The following ATP13A4 variants were observed in gnomAD, a reference collection of about 807,000 sequenced individuals.
ATP13A4 encodes the protein ATPase 13A4, also known as probable cation-transporting ATPase 13A4.
A neutral mutation model predicts 142.5 loss-of-function variants in ATP13A4; 114 were observed. The observed-to-expected ratio is 0.80, with a 90% confidence interval of 0.69 to 0.93. The LOEUF (loss-of-function observed/expected upper bound fraction) is 0.93, where lower values mean the gene tolerates loss of function less well. Among genes scored for constraint, ATP13A4 ranks in the 40% least tolerant of loss-of-function variants. The probability of loss-of-function intolerance (pLI) is 0.00; values close to 1 mark genes in which losing one functional copy is unlikely to be tolerated. For synonymous variants in ATP13A4, 488 were observed against 514.8 expected (o/e 0.95, Z 0.70); for missense variants, 1,392 against 1,454.0 (o/e 0.96, Z 0.69).
At chr3:193,489,263 T>C (rs1719809405) in intron 7 of ATP13A4, among the ~76,000 whole-genome samples, 1 of 152,172 alleles carries the variant, frequency 6.6e-6, no homozygotes, top group East Asian at 1.9e-4. Context: ...TAATTTTTTT[T>C]TTCCAACAGT....
intron 16 of ATP13A4, among the ~76,000 whole-genome samples, chr3:193,455,404 A>G (rs1040094355): frequency 6.6e-6 from 1 of 152,134 alleles, no homozygotes; most frequent in African/African-American, 2.4e-5. Flanking sequence ...GAAGACGTAC[A>G]TAAGACCAAC....
intron 1 of ATP13A4, among the ~76,000 whole-genome samples, chr3:193,544,614 T>C (rs1723123771): frequency 6.6e-6 from 1 of 152,084 alleles, no homozygotes; most frequent in South Asian, 2.1e-4. Context: ...AGTGAAGGAG[T>C]ATCCAGATGA....
In ATP13A4 at chr3:193,489,131, G is replaced by A. The variant is rs116017905; in HGVS notation, c.738+599C>T. 5.6e-3 allele frequency among the ~76,000 whole-genome samples: 854 copies of A among 152,326 alleles called. 15 individuals carry two copies. The highest frequency in any genetic ancestry group is 0.019 in the African/African-American group (803 of 41,558). ...GGCGTCTCAGACACCAGAGGACAGA[G>A]ATGGCTTGAAACCTTAATTTCAGAG... On this transcript the variant is annotated intron_variant, in intron 7 of 29. Coordinates refer to ENST00000342695, the MANE Select transcript of ATP13A4 (RefSeq NM_032279.4).
intron 2 of ATP13A4, among the ~76,000 whole-genome samples, chr3:193,568,222 A>C (rs1386582751): frequency 6.6e-6 from 1 of 152,078 alleles, no homozygotes. Context: ...CAGACTCCCA[A>C]AGTGCTGGGA....
intron 3 of ATP13A4, among the ~76,000 whole-genome samples, chr3:193,498,149 G>T (rs1720345121): frequency 1.3e-5 from 2 of 152,014 alleles, no homozygotes; most frequent in Admixed American, 6.6e-5. Context: ...TATACATAAT[G>T]TATACATGTA....
At position 193,470,862 on chromosome 3, in the gene ATP13A4, T is replaced by C; in HGVS notation, c.940A>G (p.Thr314Ala). 6.2e-7 allele frequency: 1 copy of C among 1,614,054 alleles called. No individual in the cohort carries two copies. Among genetic ancestry groups the C allele is most frequent in the African/African-American group, 1.3e-5 (1 of 75,034 alleles). Residue 314 changes from threonine to alanine, a missense_variant, in exon 9 of 30, where the codon ACA (threonine) becomes GCA (alanine). By Grantham distance (58) the Thr-to-Ala change is moderately conservative (BLOSUM62 0). Coordinates refer to ENST00000342695, the MANE Select transcript of ATP13A4 (RefSeq NM_032279.4). Reference sequence around the variant, plus strand: ...AGCTGTGGAGATGGAACTGTACCTGTCAGCATGCCTTCATCCACCACACAG... The same window carrying C: ...AGCTGTGGAGATGGAACTGTACCTGCCAGCATGCCTTCATCCACCACACAG... ...GSCVVDEGML[T>A]GESIPVTKTP... is the part of the protein sequence containing the mutation.
At chr3:193,534,899 C>T (rs926828774) in intron 1 of ATP13A4, among the ~76,000 whole-genome samples, 2 of 151,816 alleles carry the variant, frequency 1.3e-5, no homozygotes, top group Non-Finnish European at 2.9e-5. Context: ...CAGAACAAAC[C>T]TAAAGAAATC....
intron 29 of ATP13A4, among the ~76,000 whole-genome samples, chr3:193,405,762 G>A (rs1663584354): frequency 6.6e-6 from 1 of 152,078 alleles, no homozygotes; most frequent in Non-Finnish European, 1.5e-5. Context: ...TTGCCTACCT[G>A]ATCCAGAGAT....
chr3:193,472,672 T>G (rs1480642151), intron 8 of ATP13A4, among the ~76,000 whole-genome samples: 1 of 152,118 alleles, frequency 6.6e-6, no homozygotes, highest in Non-Finnish European at 1.5e-5. Flanking sequence ...GATAACATGG[T>G]AAAGGCATTA....
At chr3:193,449,564 C>T (rs1717148907) in intron 17 of ATP13A4, among the ~76,000 whole-genome samples, 1 of 152,200 alleles carries the variant, frequency 6.6e-6, no homozygotes, top group African/African-American at 2.4e-5. Flanking sequence ...ATTTAAATCC[C>T]TCTATGATCT....
At chr3:193,529,189 G>A (rs911626777) in intron 1 of ATP13A4, among the ~76,000 whole-genome samples, 5 of 151,668 alleles carry the variant, frequency 3.3e-5, no homozygotes, top group African/African-American at 1.2e-4. Context: ...AGAATCGCTT[G>A]AACCCAGGAT....
At chr3:193,538,766 T>C (rs1011932672) in intron 1 of ATP13A4, among the ~76,000 whole-genome samples, 8 of 152,074 alleles carry the variant, frequency 5.3e-5, no homozygotes, top group Non-Finnish European at 8.8e-5. Context: ...ATGTCCCAGA[T>C]AGAAAATGTT....
chr3:193,521,387 T>A (rs1334682453), intron 1 of ATP13A4, among the ~76,000 whole-genome samples: 1 of 152,150 alleles, frequency 6.6e-6, no homozygotes, highest in Non-Finnish European at 1.5e-5. Context: ...TTTTGATACC[T>A]GGGAAAGGAG....
intron 2 of ATP13A4, among the ~76,000 whole-genome samples, chr3:193,511,141 G>A (rs778239578): frequency 6.6e-6 from 1 of 152,082 alleles, no homozygotes; most frequent in Non-Finnish European, 1.5e-5. Flanking sequence ...ACACACAAGA[G>A]CAGGCAATTA....
intron 1 of ATP13A4, among the ~76,000 whole-genome samples, chr3:193,528,578 T>C (rs1244234174): frequency 1.3e-5 from 2 of 152,200 alleles, no homozygotes; most frequent in African/African-American, 2.4e-5. Context: ...CCATAATTTC[T>C]ACCTTTTTCA....
At chr3:193,509,164 C>G (rs1721013914) in intron 2 of ATP13A4, among the ~76,000 whole-genome samples, 1 of 152,198 alleles carries the variant, frequency 6.6e-6, no homozygotes, top group African/African-American at 2.4e-5. Context: ...TCTCCATGTG[C>G]CTGCCCCCAG....
chr3:193,582,637 T>A (rs1330716192), intron 1 of ATP13A4, among the ~76,000 whole-genome samples: 9 of 73,158 alleles, frequency 1.2e-4, no homozygotes, highest in African/African-American at 6.6e-4. Flanking sequence ...TTACATACAT[T>A]ATATATGTAT....
chr3:193,425,069 A>T (rs1715589989), intron 25 of ATP13A4, among the ~76,000 whole-genome samples: 1 of 137,340 alleles, frequency 7.3e-6, no homozygotes, highest in African/African-American at 2.7e-5. Context: ...CAAAAAAACC[A>T]TAGAAATAGG....
In ATP13A4 at chr3:193,457,391, T is replaced by C; in HGVS notation, c.1749A>G (p.Arg583=). ...PAHAMVVKPC[R]TASQVPVEGI... ...AAGCAGGGCTTACCTGGCTGGCTGT[T>C]CTGCAGGGCTTAACTACCATGGCAT... Residue 583 remains arginine, a synonymous_variant, in exon 15 of 30, where the codon AGA becomes AGG. Transcript: ENST00000342695. 1 of 1,614,240 alleles carries C rather than the reference T, an allele frequency of 6.2e-7. No individual in the cohort carries two copies. Among genetic ancestry groups the C allele is most frequent in the Non-Finnish European group, 8.5e-7 (1 of 1,180,044 alleles).
Sources: gnomAD v4.1 joint callset for allele counts (sites outside exome capture counted in the v4.1 genomes callset) on GRCh38, gnomAD v4.1.1 for gene constraint, MANE v1.5 for transcripts, NCBI Gene and HGNC (gene_info 2026-07-23, HGNC 2026-07-21) for gene names.